FBLN5: variants seen among roughly 807,000 people sequenced by gnomAD.
FBLN5 encodes fibulin 5.
A neutral mutation model predicts 61.6 loss-of-function variants in FBLN5; 24 were observed. That is an observed-to-expected ratio of 0.39 (90% CI 0.28 to 0.55). FBLN5 has a LOEUF of 0.55. FBLN5 is among the 20% of genes least tolerant of loss of function. The probability of loss-of-function intolerance (pLI) is 0.65; values close to 1 mark genes in which losing one functional copy is unlikely to be tolerated. For synonymous variants in FBLN5, 213 were observed against 219.8 expected (o/e 0.97, Z 0.27); for missense variants, 470 against 594.1 (o/e 0.79, Z 2.17).
At chr14:91,874,628 G>C (rs1340899891) in intron 10 of FBLN5, 1 of 152,064 alleles carries the variant, frequency 6.6e-6, no homozygotes, top group African/African-American at 2.4e-5. Flanking sequence ...TATATCATAG[G>C]ATTCTTGTGA....
chr14:91,935,194 CA>C (rs1308697060), intron 4 of FBLN5, among the ~76,000 whole-genome samples: 1 of 152,232 alleles, frequency 6.6e-6, no homozygotes, highest in Non-Finnish European at 1.5e-5. Context: ...TCAGAGGGAC[CA>C]GGGGAGGAAT....
intron 10 of FBLN5, among the ~76,000 whole-genome samples, chr14:91,872,862 C>T (rs560748407): frequency 1.6e-4 from 24 of 152,310 alleles, no homozygotes; most frequent in Non-Finnish European, 2.8e-4. Context: ...GCTTTCACTG[C>T]GTGAACAAAG....
intron 4 of FBLN5, among the ~76,000 whole-genome samples, chr14:91,907,848 CCA>C (rs1566814348): frequency 6.6e-6 from 1 of 152,072 alleles, no homozygotes; most frequent in Non-Finnish European, 1.5e-5. Context: ...GAGATGCCCC[CCA>C]CACACTAGTC....
At chr14:91,927,209 C>A (rs1181749342) in intron 4 of FBLN5, among the ~76,000 whole-genome samples, 2 of 152,200 alleles carry the variant, frequency 1.3e-5, no homozygotes, top group Non-Finnish European at 2.9e-5. Flanking sequence ...CACTCAGGCA[C>A]ACACTCTCCA....
At chr14:91,919,381 G>GA (rs1386434150) in intron 4 of FBLN5, among the ~76,000 whole-genome samples, 1,392 of 127,398 alleles carry the variant, frequency 0.011, 21 homozygotes, top group African/African-American at 0.029. Context: ...GAAAAGAAAA[G>GA]AAAGAAAGAA....
At chr14:91,935,076 G>C (rs1393645288) in intron 4 of FBLN5, among the ~76,000 whole-genome samples, 1 of 152,198 alleles carries the variant, frequency 6.6e-6, no homozygotes, top group Non-Finnish European at 1.5e-5. Flanking sequence ...GATGGGCCTG[G>C]TGCCAGTCCT....
At chr14:91,915,304 A>G (rs192061814) in intron 4 of FBLN5, among the ~76,000 whole-genome samples, 282 of 152,366 alleles carry the variant, frequency 1.9e-3, no homozygotes, top group South Asian at 3.7e-3. Context: ...AAAACTTATT[A>G]AGTAGACAAG....
chr14:91,884,865 C>T (rs911459581), intron 7 of FBLN5, among the ~76,000 whole-genome samples: 1 of 152,228 alleles, frequency 6.6e-6, no homozygotes, highest in Non-Finnish European at 1.5e-5. Flanking sequence ...AATTCCCAGA[C>T]TTTGCTTAGG....
chr14:91,928,311 G>C (rs1178590644), intron 4 of FBLN5, among the ~76,000 whole-genome samples: 2 of 152,342 alleles, frequency 1.3e-5, no homozygotes, highest in Middle Eastern at 3.4e-3. Flanking sequence ...GAAATCATCA[G>C]AACCAGGGAA....
Position 91,947,300 on chromosome 14 carries a change from G to C in FBLN5, c.-71C>G, listed in dbSNP as rs1595354539. 2.5e-6 allele frequency: 4 copies of C among 1,591,518 alleles called. No homozygotes were observed. Among genetic ancestry groups the C allele is most frequent in the South Asian group, 1.1e-5 (1 of 90,486 alleles). ...GCGGGCGGGACCCCCGGAGGAGCTC[G>C]GGCACGTCGGCCTCCTCTGGGCCCT... is the stretch of plus-strand genomic sequence containing the variant. On this transcript the variant is annotated 5_prime_UTR_variant, in exon 1 of 11. Transcript: ENST00000342058. The surrounding 1 kb of genome is among the most constrained non-coding windows in gnomAD (Gnocchi z 4.3).
At chr14:91,934,093 C>G (rs547424703) in intron 4 of FBLN5, among the ~76,000 whole-genome samples, 4 of 152,038 alleles carry the variant, frequency 2.6e-5, no homozygotes, top group Admixed American at 2.6e-4. Flanking sequence ...GTAGTCCCAG[C>G]TACTTGGGAG....
At chr14:91,945,224 G>T (rs1221812492) in intron 1 of FBLN5, among the ~76,000 whole-genome samples, 1 of 143,828 alleles carries the variant, frequency 7.0e-6, no homozygotes. Flanking sequence ...GCGAGACTCC[G>T]TCTCAAAAAA....
chr14:91,945,827 TA>T (rs748851692), intron 1 of FBLN5, among the ~76,000 whole-genome samples: 10 of 152,156 alleles, frequency 6.6e-5, no homozygotes, highest in Non-Finnish European at 1.2e-4. Context: ...TCTGACCTTA[TA>T]AAGTGCAGAG....
chr14:91,890,484 A>G (rs936842106), intron 6 of FBLN5, among the ~76,000 whole-genome samples: 2 of 152,240 alleles, frequency 1.3e-5, no homozygotes, highest in Non-Finnish European at 2.9e-5. Context: ...TTGAGGGGGA[A>G]GTCGGGGGCC....
Position 91,882,595 on chromosome 14 carries a change from T to C in FBLN5, c.862+359A>G, listed in dbSNP as rs950776414. Among the ~76,000 whole-genome samples, 1 of 152,242 alleles carries C rather than the reference T, an allele frequency of 6.6e-6. No homozygotes were observed. Among genetic ancestry groups the C allele is most frequent in the East Asian group, 1.9e-4 (1 of 5,198 alleles). ...AGGCCACGTAAGAAAGCCCGGGCTCTGGCCAGGCCATAAAAGTCCTGCTTA... is the reference window on the plus strand; with the variant it reads ...AGGCCACGTAAGAAAGCCCGGGCTCCGGCCAGGCCATAAAAGTCCTGCTTA... On this transcript the variant is annotated intron_variant, in intron 8 of 10. Transcript: ENST00000342058. The surrounding 1 kb of genome is among the most constrained non-coding windows in gnomAD (Gnocchi z 4.9).
At chr14:91,935,808 G>A (rs1019039058) in intron 4 of FBLN5, among the ~76,000 whole-genome samples, 5 of 152,112 alleles carry the variant, frequency 3.3e-5, no homozygotes, top group East Asian at 3.9e-4. Context: ...CGGACCCTGC[G>A]CTCATTCCCT....
At position 91,924,022 on chromosome 14, in the gene FBLN5, G is replaced by A. The variant is rs566857448; in HGVS notation, c.379+12925C>T. ...TTTCCTGCCAAACCACCCGACTCCCGCCAAGAGGCTGTGAACTCGCCAGGG... is the reference window on the plus strand; with the variant it reads ...TTTCCTGCCAAACCACCCGACTCCCACCAAGAGGCTGTGAACTCGCCAGGG... On this transcript the variant is annotated intron_variant, in intron 4 of 10. Transcript: ENST00000342058. Among the ~76,000 whole-genome samples the A allele has an allele frequency of 1.6e-4, 24 of 152,208 alleles. 1 individual carries two copies. The South Asian group carries it at 4.4e-3, about 28-fold the overall frequency.
At chr14:91,874,025 G>C (rs990475628) in intron 10 of FBLN5, 1 of 152,360 alleles carries the variant, frequency 6.6e-6, no homozygotes, top group African/African-American at 2.4e-5. Context: ...GGCTCAGTGA[G>C]AGACAGGCAG....
At chr14:91,905,848 G>T (rs1465553135) in intron 4 of FBLN5, among the ~76,000 whole-genome samples, 2 of 151,876 alleles carry the variant, frequency 1.3e-5, no homozygotes, top group African/African-American at 4.8e-5. Context: ...AAAGTGCTAG[G>T]ATTACAGGTG....
Sources: allele counts gnomAD v4.1 joint callset (sites outside exome capture counted in the v4.1 genomes callset), GRCh38; gene constraint gnomAD v4.1.1; non-coding constraint Gnocchi (gnomAD v3.1); transcripts MANE v1.5; gene names NCBI Gene and HGNC (gene_info 2026-07-23, HGNC 2026-07-21).